SLC25A33: variants seen among roughly 807,000 people sequenced by gnomAD.
SLC25A33 encodes bone marrow stromal cell mitochondrial carrier protein.
In SLC25A33, 15 loss-of-function variants were observed where a neutral mutation model predicts 35.5. The ratio of observed to expected loss-of-function variants is 0.42; its 90% CI spans 0.28 to 0.65. The LOEUF is 0.65. Among genes scored for constraint, SLC25A33 ranks in the 30% least tolerant of loss-of-function variants. The probability of loss-of-function intolerance (pLI) is 0.20; values close to 1 mark genes in which losing one functional copy is unlikely to be tolerated. For synonymous variants in SLC25A33, 136 were observed against 148.7 expected, an observed-to-expected ratio of 0.91 and a Z score of 0.62; for missense variants, 257 against 398.5, an observed-to-expected ratio of 0.64 and a Z score of 3.02.
intron 2 of SLC25A33, among the ~76,000 whole-genome samples, chr1:9,564,349 T>G (rs1327838003): frequency 6.6e-6 from 1 of 152,188 alleles, no homozygotes; most frequent in African/African-American, 2.4e-5. Context: ...GTAACCACTA[T>G]AGAAAACAGC....
chr1:9,575,064 T>C (rs909291411), intron 5 of SLC25A33, among the ~76,000 whole-genome samples: 8 of 150,912 alleles, frequency 5.3e-5, no homozygotes, highest in African/African-American at 2.0e-4. Flanking sequence ...ATACAAAAAA[T>C]AAGCCGGGCG....
chr1:9,543,620 C>T (rs944228427), intron 1 of SLC25A33, among the ~76,000 whole-genome samples: 1 of 152,188 alleles, frequency 6.6e-6, no homozygotes, highest in African/African-American at 2.4e-5. Context: ...CCTTCATCTG[C>T]TGGGCAGCCA....
chr1:9,579,067 A>G (rs1470097271), intron 5 of SLC25A33, among the ~76,000 whole-genome samples: 1 of 152,238 alleles, frequency 6.6e-6, no homozygotes, highest in Non-Finnish European at 1.5e-5. Context: ...CTGGCCTCAC[A>G]GTGGGCTGGA....
intron 3 of SLC25A33, among the ~76,000 whole-genome samples, chr1:9,568,216 TG>T (rs1643537782): frequency 6.8e-6 from 1 of 147,662 alleles, no homozygotes; most frequent in Admixed American, 6.7e-5. Context: ...CTGAGGCAGG[TG>T]GATCACCAGA....
chr1:9,570,281 C>G lies in SLC25A33; in HGVS notation c.338C>G (p.Ser113Cys), dbSNP rs747959005. The G allele has an allele frequency of 2.9e-5, 47 of 1,613,838 alleles. No individual in the cohort carries two copies. In the East Asian group the frequency reaches 1.0e-3, roughly 35 times the overall value. The change falls in exon 4 of 7, where the codon TCC (serine) becomes TGC (cysteine). Residue 113 changes from serine to cysteine, a missense_variant. Transcript: ENST00000302692. Reference protein sequence around the residue: ...PSRAVYFACYSKAKEQFNGIF... With the variant: ...PSRAVYFACYCKAKEQFNGIF... ...AGGGCTGTATACTTTGCATGTTACT[C>G]CAAAGCCAAAGAGCAATTTAATGGC...
At chr1:9,567,237 G>A in intron 2 of SLC25A33, 47 bp from the exon 3 acceptor site, 1 of 1,501,964 alleles carries the variant, frequency 6.7e-7, no homozygotes. Context: ...ATTTTTAATA[G>A]GCCTTGCCTG....
chr1:9,576,914 A>T, intron 5 of SLC25A33: 1 of 1,299,632 alleles, frequency 7.7e-7, no homozygotes, highest in Non-Finnish European at 1.1e-6. Context: ...CACAACAGTT[A>T]AGGATATCAG....
At chr1:9,572,400 A>C (rs2100405525) in intron 4 of SLC25A33, among the ~76,000 whole-genome samples, 1 of 152,130 alleles carries the variant, frequency 6.6e-6, no homozygotes, top group African/African-American at 2.4e-5. Context: ...TCACGAGGTC[A>C]GGAGATCGAG....
chr1:9,557,020 G>A (rs1053272824), intron 2 of SLC25A33, among the ~76,000 whole-genome samples: 4 of 152,062 alleles, frequency 2.6e-5, no homozygotes, highest in African/African-American at 7.2e-5. Context: ...CACAACCTCC[G>A]CCTCCCAGGT....
At chr1:9,553,890 G>A in intron 2 of SLC25A33, 85 bp downstream of exon 2, 1 of 1,394,402 alleles carries the variant, frequency 7.2e-7, no homozygotes, top group Non-Finnish European at 9.8e-7. Context: ...CTTATCAAAT[G>A]TGATGTTCTG....
chr1:9,547,234 A>G (rs1292343285), intron 1 of SLC25A33, among the ~76,000 whole-genome samples: 1 of 152,164 alleles, frequency 6.6e-6, no homozygotes, highest in Non-Finnish European at 1.5e-5. Flanking sequence ...TGGGCAGATC[A>G]CCTGAGGTCA....
At chr1:9,548,029 C>T (rs1222492397) in intron 1 of SLC25A33, among the ~76,000 whole-genome samples, 1 of 151,926 alleles carries the variant, frequency 6.6e-6, no homozygotes, top group East Asian at 1.9e-4. Context: ...TGCGCACCAC[C>T]ACGCCTGGCT....
chr1:9,573,334 T>A lies in SLC25A33; in HGVS notation c.416-12T>A, dbSNP rs1450902783. On this transcript the variant is annotated splice_polypyrimidine_tract_variant and intron_variant, in intron 4 of 6. Coordinates refer to ENST00000302692, the MANE Select transcript of SLC25A33 (RefSeq NM_032315.3). The stretch of plus-strand genomic sequence containing the variant: ...GTACAGTGTTGACCTTTACTGTTTT[T>A]TTTTTTTCCAGCTTTTATCACAAAT... The A allele has an allele frequency of 2.5e-6, 4 of 1,595,176 alleles. No homozygotes were observed. Among genetic ancestry groups the A allele is most frequent in the Non-Finnish European group, 3.4e-6 (4 of 1,167,392 alleles).
chr1:9,564,283 G>A (rs1030889630), intron 2 of SLC25A33, among the ~76,000 whole-genome samples: 2 of 152,170 alleles, frequency 1.3e-5, no homozygotes, highest in Non-Finnish European at 2.9e-5. Flanking sequence ...GCACATTGGC[G>A]AGGTTATAGA....
intron 5 of SLC25A33, among the ~76,000 whole-genome samples, chr1:9,575,874 T>TA (rs1184052588): frequency 6.6e-6 from 1 of 152,216 alleles, no homozygotes; most frequent in Non-Finnish European, 1.5e-5. Context: ...AGCAGTCCTG[T>TA]AGTTTTCCAA....
intron 2 of SLC25A33, chr1:9,556,198 G>C: frequency 2.0e-6 from 2 of 985,350 alleles, no homozygotes; most frequent in Non-Finnish European, 2.4e-6. Context: ...CCAGTGTCCC[G>C]GGTGACACCT....
intron 2 of SLC25A33, among the ~76,000 whole-genome samples, chr1:9,564,725 T>TAAAAAAAAAAAAAAAAAAAAAAAA (rs1553146726): frequency 1.1e-5 from 1 of 94,528 alleles, no homozygotes; most frequent in Admixed American, 1.3e-4. Context: ...CGTCTCTATT[T>TAAAAAAAAAAAAAAAAAAAAAAAA]AAAAAAAAAA....
At chr1:9,575,605 ACT>A (rs1643653149) in intron 5 of SLC25A33, among the ~76,000 whole-genome samples, 1 of 151,754 alleles carries the variant, frequency 6.6e-6, no homozygotes, top group East Asian at 1.9e-4. Context: ...ATAGAGTAAG[ACT>A]CTGTCTGGAA....
chr1:9,571,936 G>A (rs750467350), intron 4 of SLC25A33, among the ~76,000 whole-genome samples: 4 of 152,086 alleles, frequency 2.6e-5, no homozygotes, highest in South Asian at 2.1e-4. Flanking sequence ...CCACCACGCC[G>A]AGCCTAGAAA....
Sources: gnomAD v4.1 joint callset for allele counts (sites outside exome capture counted in the v4.1 genomes callset) on GRCh38, gnomAD v4.1.1 for gene constraint, MANE v1.5 for transcripts, NCBI Gene and HGNC (gene_info 2026-07-23, HGNC 2026-07-21) for gene names.